SAR1B: variants seen among roughly 807,000 people sequenced by gnomAD.
The protein encoded by SAR1B is small COPII coat GTPase SAR1B.
Under a neutral mutation model 26.8 loss-of-function variants are expected in SAR1B, and 23 were observed. The ratio of observed to expected loss-of-function variants is 0.86; its 90% CI spans 0.62 to 1.22. The LOEUF (loss-of-function observed/expected upper bound fraction) is 1.22, where lower values mean the gene tolerates loss of function less well. Ranked by LOEUF, SAR1B falls within the 50% of genes most tolerant of loss-of-function variation. The pLI, the probability that SAR1B is intolerant of heterozygous loss-of-function variation, is 0.00. For synonymous variants in SAR1B, 65 were observed against 80.8 expected (o/e 0.80, Z 1.05); for missense variants, 196 against 232.8 (o/e 0.84, Z 1.03).
At position 134,612,680 on chromosome 5, in the gene SAR1B, A is replaced by AAAAAAAAAAAAATTT; in HGVS notation, c.244+10_244+11insAAATTTTTTTTTTTT. Reference sequence around the variant, plus strand: ...AAAAAAAAAAAAAAAAAAAAAAAAAAAGAATCTTACCTTGAACATGTCCAC... The same window carrying AAAAAAAAAAAAATTT: ...AAAAAAAAAAAAAAAAAAAAAAAAAAAAAAAAAAAAAATTTAGAATCTTACCTTGAACATGTCCAC... On this transcript the variant is annotated intron_variant, in intron 4 of 6. Transcript: ENST00000402673. 9.6e-7 allele frequency: 1 copy of AAAAAAAAAAAAATTT among 1,043,436 alleles called. No homozygotes were observed. The highest frequency in any genetic ancestry group is 1.3e-6 in the Non-Finnish European group (1 of 760,640). 64.6% of individuals were successfully genotyped at this position (1,043,436 alleles called of 1,614,324 possible). A position where few individuals can be genotyped will look rare whatever the true frequency, so the allele number is the denominator to read the frequency against.
chr5:134,616,631 T>C (rs1352270277), intron 3 of SAR1B, among the ~76,000 whole-genome samples: 2 of 152,168 alleles, frequency 1.3e-5, no homozygotes, highest in Non-Finnish European at 2.9e-5. Context: ...CTATTTAAGA[T>C]ACAGAACACT....
chr5:134,622,840 G>C (rs1765432884), intron 2 of SAR1B, among the ~76,000 whole-genome samples: 1 of 151,864 alleles, frequency 6.6e-6, no homozygotes, highest in African/African-American at 2.4e-5. Flanking sequence ...GTAGCAAGGA[G>C]GCCGGGCACA....
chr5:134,602,415 G>C lies in SAR1B; in HGVS notation c.*4535C>G, dbSNP rs1765048725. The C allele has an allele frequency of 6.6e-6, 1 of 152,262 alleles. No individual in the cohort carries two copies. The highest frequency in any genetic ancestry group is 3.4e-3 in the Middle Eastern group (1 of 294). The allele number at this position is 152,262 out of a possible 1,614,324, so 9.4% of individuals were successfully genotyped here. A position where few individuals can be genotyped will look rare whatever the true frequency, so the allele number is the denominator to read the frequency against. On this transcript the variant is annotated 3_prime_UTR_variant, in exon 7 of 7. Transcript: ENST00000402673. Reference sequence around the variant, plus strand: ...GGTGTTGGGTGGGGATTTGTGAGGGGGAATGGTAACAGGGTTCAGAAGTGG... The same window carrying C: ...GGTGTTGGGTGGGGATTTGTGAGGGCGAATGGTAACAGGGTTCAGAAGTGG...
chr5:134,613,076 C>G (rs1370409625), intron 3 of SAR1B: 1 of 353,344 alleles, frequency 2.8e-6, no homozygotes, highest in African/African-American at 2.2e-5. Context: ...GTGTTTTTAC[C>G]TTTCTCAGCA....
chr5:134,610,362 A>G (rs1385463909), intron 4 of SAR1B, among the ~76,000 whole-genome samples: 1 of 152,046 alleles, frequency 6.6e-6, no homozygotes. Context: ...TAATCCCAGC[A>G]CTTTGGGAGG....
In SAR1B at chr5:134,602,069, G is replaced by A. The variant is rs1168624001; in HGVS notation, c.*4881C>T. On this transcript the variant is annotated 3_prime_UTR_variant, in exon 7 of 7. Coordinates refer to ENST00000402673, the MANE Select transcript of SAR1B (RefSeq NM_016103.4). ...AAACAAACAAACAAAAAAGTATGCTGAAGAAGAATCCATCTACTCCAGTGC... is the reference window on the plus strand; with the variant it reads ...AAACAAACAAACAAAAAAGTATGCTAAAGAAGAATCCATCTACTCCAGTGC... 3 of 152,198 alleles carry A rather than the reference G, an allele frequency of 2.0e-5. No homozygotes were observed. Among genetic ancestry groups the A allele is most frequent in the Non-Finnish European group, 4.4e-5 (3 of 68,060 alleles). 9.4% of individuals were successfully genotyped at this position (152,198 alleles called of 1,614,324 possible).
rs1246422084 is a variant in SAR1B at position 134,603,072 on chromosome 5, T to G, written c.*3878A>C. On this transcript the variant is annotated 3_prime_UTR_variant, in exon 7 of 7. Transcript: ENST00000402673. Reference sequence around the variant, plus strand: ...TAATTTCTATTTTTTCATTGTTTCTTGAAGATTTTTTAATGCTTCAACTTT... The same window carrying G: ...TAATTTCTATTTTTTCATTGTTTCTGGAAGATTTTTTAATGCTTCAACTTT... The G allele has an allele frequency of 6.6e-6, 1 of 152,238 alleles. No homozygotes were observed. Among genetic ancestry groups the G allele is most frequent in the African/African-American group, 2.4e-5 (1 of 41,458 alleles). The allele number at this position is 152,238 out of a possible 1,614,324, so 9.4% of individuals were successfully genotyped here.
chr5:134,632,329 T>C (rs1765622053), intron 1 of SAR1B: 1 of 152,160 alleles, frequency 6.6e-6, no homozygotes, highest in African/African-American at 2.4e-5. Flanking sequence ...GTAAGGAAGC[T>C]CAATTTGCCT....
chr5:134,622,212 G>A (rs1269321893), intron 2 of SAR1B, among the ~76,000 whole-genome samples: 1 of 152,002 alleles, frequency 6.6e-6, no homozygotes, highest in Non-Finnish European at 1.5e-5. Context: ...GAAGTAAATT[G>A]TTTGATGTCC....
At chr5:134,627,098 A>C (rs1002810175) in intron 1 of SAR1B, among the ~76,000 whole-genome samples, 1 of 151,914 alleles carries the variant, frequency 6.6e-6, no homozygotes, top group Non-Finnish European at 1.5e-5. Flanking sequence ...GTCGCCCAGG[A>C]TGGAGTGCAC....
intron 1 of SAR1B, among the ~76,000 whole-genome samples, chr5:134,624,517 G>A (rs1394333082): frequency 6.6e-6 from 1 of 152,024 alleles, no homozygotes; most frequent in Non-Finnish European, 1.5e-5. Context: ...AATGGGATAA[G>A]AGGTTAATAG....
In SAR1B at chr5:134,609,457, A is replaced by G. The variant is rs1580646467; in HGVS notation, c.348+114T>C. On this transcript the variant is annotated intron_variant, in intron 5 of 6. Transcript: ENST00000402673. ...AATCACTGAGCTCAACAAATTGCCA[A>G]GAGTTTCATCAGAGACTGCAGAAAA... is the stretch of plus-strand genomic sequence containing the variant. The G allele has an allele frequency of 1.2e-5, 10 of 825,852 alleles. No homozygotes were observed. The East Asian group carries it at 2.4e-4, about 20-fold the overall frequency. The allele number at this position is 825,852 out of a possible 1,614,324, so 51.2% of individuals were successfully genotyped here. A position where few individuals can be genotyped will look rare whatever the true frequency, so the allele number is the denominator to read the frequency against.
intron 5 of SAR1B, among the ~76,000 whole-genome samples, chr5:134,608,813 T>C (rs1406032093): frequency 6.6e-6 from 1 of 152,232 alleles, no homozygotes; most frequent in Admixed American, 6.5e-5. Flanking sequence ...GCTTTTGAGA[T>C]GTGACTTTGG....
Position 134,612,678 on chromosome 5 carries a change from A to AT in SAR1B, c.244+12_244+13insA. 1 of 1,000,230 alleles carries AT rather than the reference A, an allele frequency of 1.0e-6. No homozygotes were observed. Among genetic ancestry groups the AT allele is most frequent in the Non-Finnish European group, 1.4e-6 (1 of 716,892 alleles). 62.0% of individuals were successfully genotyped at this position (1,000,230 alleles called of 1,614,324 possible). On this transcript the variant is annotated intron_variant, in intron 4 of 6. Coordinates refer to ENST00000402673, the MANE Select transcript of SAR1B (RefSeq NM_016103.4). ...AAAAAAAAAAAAAAAAAAAAAAAAA[A>AT]AAAGAATCTTACCTTGAACATGTCC...
At chr5:134,607,154 C>T (rs1335691566) in intron 6 of SAR1B, 88 bp from the exon 7 acceptor site, 7 of 877,146 alleles carry the variant, frequency 8.0e-6, no homozygotes, top group Non-Finnish European at 1.4e-5. Flanking sequence ...TATTTTAGAA[C>T]AAAGAATGGC....
At chr5:134,624,431 C>A (rs1187777072) in intron 1 of SAR1B, among the ~76,000 whole-genome samples, 1 of 151,902 alleles carries the variant, frequency 6.6e-6, no homozygotes, top group Admixed American at 6.6e-5. Context: ...TGAGGTGGGA[C>A]GATTGCTTGA....
chr5:134,631,011 T>C (rs1445973788), intron 1 of SAR1B, among the ~76,000 whole-genome samples: 1 of 141,618 alleles, frequency 7.1e-6, no homozygotes, highest in Non-Finnish European at 1.5e-5. Context: ...AAACCCCCCA[T>C]CTCAGCAGCG....
At chr5:134,626,671 G>C (rs1249410023) in intron 1 of SAR1B, among the ~76,000 whole-genome samples, 1 of 152,162 alleles carries the variant, frequency 6.6e-6, no homozygotes, top group Non-Finnish European at 1.5e-5. Flanking sequence ...CAGAATCTCA[G>C]ATTACAAGTA....
chr5:134,614,565 T>TA (rs1191747239), intron 3 of SAR1B: 4 of 152,246 alleles, frequency 2.6e-5, no homozygotes, highest in Admixed American at 2.6e-4. Context: ...ACAGCATTCT[T>TA]ACAATTGTTC....
Sources: allele counts gnomAD v4.1 joint callset (sites outside exome capture counted in the v4.1 genomes callset), GRCh38; gene constraint gnomAD v4.1.1; transcripts MANE v1.5; gene names NCBI Gene and HGNC (gene_info 2026-07-23, HGNC 2026-07-21).